The following KCTD8 variants were observed in gnomAD, a reference collection of about 807,000 sequenced individuals.
KCTD8 encodes the protein BTB/POZ domain-containing protein KCTD8.
Under a neutral mutation model 31.5 loss-of-function variants are expected in KCTD8, and 27 were observed. The ratio of observed to expected loss-of-function variants is 0.86; its 90% CI spans 0.63 to 1.18. KCTD8 has a LOEUF of 1.18. Ranked by LOEUF, KCTD8 falls within the 50% of genes most tolerant of loss-of-function variation. The pLI is 0.00. For synonymous variants in KCTD8, 290 were observed against 280.0 expected (o/e 1.04, Z -0.36); for missense variants, 658 against 647.7 (o/e 1.02, Z -0.17).
At chr4:44,419,658 G>A (rs577709685) in intron 1 of KCTD8, among the ~76,000 whole-genome samples, 144 of 151,960 alleles carry the variant, frequency 9.5e-4, no homozygotes, top group African/African-American at 3.3e-3. Flanking sequence ...CAATGAGAAC[G>A]CTTGGACACA....
At chr4:44,221,786 A>T (rs780571741) in intron 1 of KCTD8, among the ~76,000 whole-genome samples, 2 of 152,158 alleles carry the variant, frequency 1.3e-5, no homozygotes, top group Admixed American at 6.5e-5. Flanking sequence ...CCAGACTGGC[A>T]GCTGATTAGA....
At chr4:44,267,308 G>A (rs1189828573) in intron 1 of KCTD8, among the ~76,000 whole-genome samples, 3 of 152,170 alleles carry the variant, frequency 2.0e-5, no homozygotes, top group South Asian at 4.1e-4. Context: ...GGTACATAAA[G>A]AAATGAAGGC....
chr4:44,231,211 T>A (rs138585255), intron 1 of KCTD8, among the ~76,000 whole-genome samples: 1,993 of 152,220 alleles, frequency 0.013, 51 homozygotes, highest in African/African-American at 0.045. Context: ...TAGGCAAAGA[T>A]CATATATCTC....
At chr4:44,310,956 C>T (rs1717933345) in intron 1 of KCTD8, among the ~76,000 whole-genome samples, 1 of 152,020 alleles carries the variant, frequency 6.6e-6, no homozygotes, top group Admixed American at 6.6e-5. Flanking sequence ...AAGACCAGAA[C>T]AAAGCAGAAT....
intron 1 of KCTD8, among the ~76,000 whole-genome samples, chr4:44,385,251 C>A (rs538871805): frequency 9.9e-5 from 15 of 151,540 alleles, no homozygotes; most frequent in South Asian, 2.1e-4. Context: ...TCTCATGGGA[C>A]CTAAATAACC....
intron 1 of KCTD8, among the ~76,000 whole-genome samples, chr4:44,279,214 A>C (rs1716832008): frequency 6.6e-6 from 1 of 152,102 alleles, no homozygotes; most frequent in Non-Finnish European, 1.5e-5. Context: ...ATTATCTCAC[A>C]GTTTCAGTGA....
At chr4:44,401,609 A>T (rs1299391863) in intron 1 of KCTD8, among the ~76,000 whole-genome samples, 1 of 152,200 alleles carries the variant, frequency 6.6e-6, no homozygotes, top group African/African-American at 2.4e-5. Context: ...CCTTTGCACA[A>T]GTCACTTTAC....
intron 1 of KCTD8, among the ~76,000 whole-genome samples, chr4:44,273,530 A>G (rs576435444): frequency 5.1e-4 from 78 of 152,038 alleles, no homozygotes; most frequent in African/African-American, 1.8e-3. Flanking sequence ...CATTCCAATC[A>G]TTGAACCACT....
chr4:44,178,440 A>G (rs1023120143), intron 1 of KCTD8, among the ~76,000 whole-genome samples: 9 of 152,054 alleles, frequency 5.9e-5, no homozygotes, highest in Non-Finnish European at 1.0e-4. Flanking sequence ...ATGAAATTCA[A>G]CACCCTAATA....
rs1721975292 is a variant in KCTD8, at chr4:44,447,603, G to C, written c.921C>G (p.Asp307Glu). The C allele has an allele frequency of 6.2e-7, 1 of 1,600,292 alleles. No homozygotes were observed. Among genetic ancestry groups the C allele is most frequent in the Non-Finnish European group, 8.5e-7 (1 of 1,173,430 alleles). Reference sequence around the variant, plus strand: ...CGGTGTAGCTGCTCCAGATCTTGTCGTCGCGGTACTGGTTGACGAAGGCGG... The same window carrying C: ...CGGTGTAGCTGCTCCAGATCTTGTCCTCGCGGTACTGGTTGACGAAGGCGG... ...GTAAFVNQYR[D>E]DKIWSSYTEY... is the part of the protein sequence containing the mutation. The change falls in exon 1 of 2, where the codon GAC (aspartate) becomes GAG (glutamate). Residue 307 changes from aspartate (D) to glutamate (E), a missense_variant. Coordinates refer to ENST00000360029, the MANE Select transcript of KCTD8 (RefSeq NM_198353.3).
chr4:44,353,353 A>C (rs1258244238), intron 1 of KCTD8, among the ~76,000 whole-genome samples: 2 of 152,018 alleles, frequency 1.3e-5, no homozygotes, highest in African/African-American at 4.8e-5. Flanking sequence ...TTACAAGTAT[A>C]AGAGTTGTAT....
chr4:44,268,189 T>A (rs541463401), intron 1 of KCTD8, among the ~76,000 whole-genome samples: 2,014 of 152,164 alleles, frequency 0.013, 53 homozygotes, highest in African/African-American at 0.046. Flanking sequence ...AAAAAGCTTA[T>A]CCACCATAAT....
intron 1 of KCTD8, among the ~76,000 whole-genome samples, chr4:44,429,060 C>G (rs985994963): frequency 1.3e-5 from 2 of 151,492 alleles, no homozygotes; most frequent in Non-Finnish European, 3.0e-5. Context: ...AGAAGGGAGA[C>G]AGAGAAGAAC....
chr4:44,183,531 T>C (rs956032832), intron 1 of KCTD8, among the ~76,000 whole-genome samples: 1 of 152,178 alleles, frequency 6.6e-6, no homozygotes, highest in South Asian at 2.1e-4. Flanking sequence ...TCCCTTGGGC[T>C]TTATTATATT....
At chr4:44,195,188 T>C (rs1294114111) in intron 1 of KCTD8, among the ~76,000 whole-genome samples, 1 of 84,398 alleles carries the variant, frequency 1.2e-5, no homozygotes, top group Admixed American at 1.2e-4. Context: ...AAATACATAC[T>C]TTTTTTTTTT....
At chr4:44,237,967 T>C (rs775052290) in intron 1 of KCTD8, among the ~76,000 whole-genome samples, 10 of 152,140 alleles carry the variant, frequency 6.6e-5, no homozygotes, top group Non-Finnish European at 1.5e-4. Flanking sequence ...AAACAACCTA[T>C]TAAAAATAAG....
intron 1 of KCTD8, among the ~76,000 whole-genome samples, chr4:44,309,299 A>G (rs954637766): frequency 2.0e-5 from 3 of 152,052 alleles, no homozygotes; most frequent in African/African-American, 7.2e-5. Flanking sequence ...TCGGCCTCTC[A>G]AAGTGCTAGG....
intron 1 of KCTD8, among the ~76,000 whole-genome samples, chr4:44,351,280 A>G (rs1461499373): frequency 6.6e-6 from 1 of 152,116 alleles, no homozygotes; most frequent in Admixed American, 6.6e-5. Context: ...TGTGAAATGC[A>G]TTAATAAATG....
At chr4:44,368,244 G>A (rs899764467) in intron 1 of KCTD8, among the ~76,000 whole-genome samples, 7 of 152,066 alleles carry the variant, frequency 4.6e-5, no homozygotes, top group African/African-American at 1.7e-4. Context: ...AGGCATGATG[G>A]CACCTGCCTG....
Sources: gnomAD v4.1 joint callset for allele counts (sites outside exome capture counted in the v4.1 genomes callset) on GRCh38, gnomAD v4.1.1 for gene constraint, MANE v1.5 for transcripts, NCBI Gene and HGNC (gene_info 2026-07-23, HGNC 2026-07-21) for gene names.